Variants in GPC3 observed in about 807,000 individuals in gnomAD.
GPC3 encodes glypican-3.
GPC3 carries 3 observed loss-of-function variants against 34.4 expected under a neutral mutation model. The observed-to-expected ratio is 0.09, with a 90% confidence interval of 0.04 to 0.23. The LOEUF (loss-of-function observed/expected upper bound fraction) is 0.23, where lower values mean the gene tolerates loss of function less well. Among genes scored for constraint, GPC3 ranks in the 10% least tolerant of loss-of-function variants. GPC3 has a pLI of 1.00. For missense variants in GPC3, 351 were observed against 445.6 expected (o/e 0.79, Z 1.91); for synonymous variants, 177 against 174.0 (o/e 1.02, Z -0.13).
intron 3 of GPC3, among the ~76,000 whole-genome samples, chrX:133,703,684 TCTC>T (rs1444688604): frequency 9.0e-6 from 1 of 111,572 alleles, no homozygotes; most frequent in Non-Finnish European, 1.9e-5. Context: ...ATGGTCTTGA[TCTC>T]CTGACCTCGT....
Position 133,783,455 on chromosome X carries a change from G to A in GPC3, c.338-29279C>T, listed in dbSNP as rs149044617. Among the ~76,000 whole-genome samples the A allele has an allele frequency of 6.2e-5, 7 of 112,049 alleles. No homozygotes were observed. The East Asian group carries it at 8.5e-4, about 14-fold the overall frequency. ...AGGTGACAGGACACTTGATGTTGAC[G>A]CACATGATTGCCTTGCTTCTCCTTT... On this transcript the variant is annotated intron_variant, in intron 2 of 7. Coordinates refer to ENST00000370818, the MANE Select transcript of GPC3 (RefSeq NM_004484.4).
chrX:133,942,410 CAT>C (rs767391799), intron 2 of GPC3, among the ~76,000 whole-genome samples: 19 of 111,489 alleles, frequency 1.7e-4, no homozygotes, highest in Non-Finnish European at 3.2e-4. Flanking sequence ...GGATTAATAA[CAT>C]GTGAAATATC....
At chrX:133,878,088 A>C (rs2076024806) in intron 2 of GPC3, among the ~76,000 whole-genome samples, 1 of 112,090 alleles carries the variant, frequency 8.9e-6, no homozygotes, top group African/African-American at 3.2e-5. Context: ...ATATTTGGAA[A>C]TGTATATTTG....
At chrX:133,824,726 C>T (rs996960589) in intron 2 of GPC3, among the ~76,000 whole-genome samples, 1 of 109,921 alleles carries the variant, frequency 9.1e-6, no homozygotes, top group African/African-American at 3.4e-5. Flanking sequence ...AATTACAATG[C>T]ATCAATTTAA....
intron 7 of GPC3, among the ~76,000 whole-genome samples, chrX:133,574,039 T>C (rs1361506113): frequency 1.8e-5 from 2 of 112,343 alleles, no homozygotes; most frequent in Non-Finnish European, 3.8e-5. Flanking sequence ...ATCTTGAAAA[T>C]GTTATGCTAA....
At chrX:133,818,074 T>C (rs1399646446) in intron 2 of GPC3, among the ~76,000 whole-genome samples, 4 of 111,528 alleles carry the variant, frequency 3.6e-5, no homozygotes, top group Non-Finnish European at 7.5e-5. Flanking sequence ...TCAGCTATCA[T>C]TGGATTTACA....
intron 2 of GPC3, among the ~76,000 whole-genome samples, chrX:133,839,325 T>C (rs1260975317): frequency 3.6e-5 from 4 of 111,841 alleles, no homozygotes; most frequent in African/African-American, 9.8e-5. Flanking sequence ...CCAGGACTTT[T>C]ATCAGGGGGG....
intron 2 of GPC3, among the ~76,000 whole-genome samples, chrX:133,891,829 T>C (rs1277959319): frequency 9.4e-6 from 1 of 106,545 alleles, no homozygotes; most frequent in Non-Finnish European, 1.9e-5. Flanking sequence ...TTCTGAGGCA[T>C]GCTAAAAATT....
In GPC3 at chrX:133,754,130, G is replaced by A. The variant is rs761541528; in HGVS notation, c.384C>T (p.Ala128=). 5.0e-5 allele frequency: 60 copies of A among 1,204,923 alleles called. No individual in the cohort carries two copies. The highest frequency in any genetic ancestry group is 6.7e-5 in the Non-Finnish European group (60 of 892,509). The change falls in exon 3 of 8, where the codon GCC becomes GCT. Residue 128 remains alanine (A), a synonymous_variant. Transcript: ENST00000370818. ...GGCTTGGGTAGTTGTTCTTGAACAT[G>A]GCATTGGTGTAGTTCTTGGCATGGC... ...VVRHAKNYTN[A]MFKNNYPSLT... is the part of the protein sequence containing the mutation.
intron 3 of GPC3, among the ~76,000 whole-genome samples, chrX:133,735,211 A>G (rs1311785947): frequency 8.9e-6 from 1 of 111,819 alleles, no homozygotes; most frequent in African/African-American, 3.2e-5. Flanking sequence ...CATTTTCAAA[A>G]CTTGCTACAA....
chrX:133,638,727 G>A (rs768380556), intron 6 of GPC3, among the ~76,000 whole-genome samples: 4 of 109,381 alleles, frequency 3.7e-5, no homozygotes, highest in African/African-American at 6.7e-5. Context: ...TAAATCAGGG[G>A]TGTACAATCT....
chrX:133,900,877 A>G (rs1022128137), intron 2 of GPC3, among the ~76,000 whole-genome samples: 1 of 111,551 alleles, frequency 9.0e-6, no homozygotes, highest in African/African-American at 3.3e-5. Context: ...TTTACTGAGC[A>G]CCACTCAGGG....
chrX:133,693,362 A>T (rs2071084638), intron 4 of GPC3, among the ~76,000 whole-genome samples: 1 of 111,604 alleles, frequency 9.0e-6, no homozygotes, highest in African/African-American at 3.3e-5. Flanking sequence ...ACTGGAGAGA[A>T]GTGGATATGT....
At chrX:133,537,050 T>C (rs1330711067) in intron 7 of GPC3, among the ~76,000 whole-genome samples, 1 of 111,714 alleles carries the variant, frequency 9.0e-6, no homozygotes, top group Non-Finnish European at 1.9e-5. Flanking sequence ...TTATGATATA[T>C]GTTCATGATT....
At chrX:133,867,832 C>T (rs969479321) in intron 2 of GPC3, among the ~76,000 whole-genome samples, 5 of 106,657 alleles carry the variant, frequency 4.7e-5, no homozygotes, top group Non-Finnish European at 7.7e-5. Flanking sequence ...CAGAATGGTG[C>T]GCAGAGAAAG....
intron 6 of GPC3, among the ~76,000 whole-genome samples, chrX:133,623,187 T>C (rs1008107028): frequency 1.1e-4 from 12 of 111,835 alleles, no homozygotes; most frequent in African/African-American, 3.9e-4. Context: ...GAACAACTGG[T>C]ACCAGACACT....
At chrX:133,847,180 T>C (rs2075850356) in intron 2 of GPC3, among the ~76,000 whole-genome samples, 1 of 111,811 alleles carries the variant, frequency 8.9e-6, no homozygotes, top group Non-Finnish European at 1.9e-5. Context: ...AATGATATAA[T>C]TACATGTGAT....
intron 3 of GPC3, among the ~76,000 whole-genome samples, chrX:133,726,291 G>C (rs1457266882): frequency 1.8e-5 from 2 of 111,516 alleles, no homozygotes; most frequent in African/African-American, 6.5e-5. Flanking sequence ...TCTGCAAAAG[G>C]CTGCTGGGTA....
chrX:133,899,548 C>A (rs752673455), intron 2 of GPC3, among the ~76,000 whole-genome samples: 3 of 111,562 alleles, frequency 2.7e-5, no homozygotes, highest in African/African-American at 6.5e-5. Flanking sequence ...TTCAATGAAT[C>A]CCATTCTACT....
Sources: allele counts gnomAD v4.1 joint callset (sites outside exome capture counted in the v4.1 genomes callset), GRCh38; gene constraint gnomAD v4.1.1; transcripts MANE v1.5; gene names NCBI Gene and HGNC (gene_info 2026-07-23, HGNC 2026-07-21).